The following CCDC85A variants were observed in gnomAD, a reference collection of about 807,000 sequenced individuals.
CCDC85A encodes coiled-coil domain-containing protein 85A.
Under a neutral mutation model 50.2 loss-of-function variants are expected in CCDC85A, and 38 were observed. That is an observed-to-expected ratio of 0.76 (90% confidence interval 0.58 to 0.99). The LOEUF (loss-of-function observed/expected upper bound fraction) is 0.99. Ranked by LOEUF, CCDC85A falls within the 50% of genes least tolerant of loss-of-function variation. The pLI is 0.00. For missense variants in CCDC85A, 820 were observed against 742.0 expected, an observed-to-expected ratio of 1.11 and a Z score of -1.22; for synonymous variants, 366 against 301.4, an observed-to-expected ratio of 1.21 and a Z score of -2.22.
At chr2:56,237,402 C>T (rs1669066459) in intron 2 of CCDC85A, among the ~76,000 whole-genome samples, 1 of 152,156 alleles carries the variant, frequency 6.6e-6, no homozygotes, top group South Asian at 2.1e-4. Flanking sequence ...CTTGATGTTG[C>T]TTTCACATAA....
At chr2:56,274,916 C>T (rs1670858183) in intron 2 of CCDC85A, among the ~76,000 whole-genome samples, 1 of 152,174 alleles carries the variant, frequency 6.6e-6, no homozygotes, top group South Asian at 2.1e-4. Context: ...TATGTCCTCA[C>T]ATGGCCTTCT....
intron 2 of CCDC85A, among the ~76,000 whole-genome samples, chr2:56,199,696 T>G (rs1408552791): frequency 6.6e-6 from 1 of 152,218 alleles, no homozygotes; most frequent in Non-Finnish European, 1.5e-5. Flanking sequence ...CTAAATTCTT[T>G]TCTGCTGTTC....
At chr2:56,310,415 A>T (rs1026014244) in intron 2 of CCDC85A, among the ~76,000 whole-genome samples, 1 of 152,168 alleles carries the variant, frequency 6.6e-6, no homozygotes, top group Non-Finnish European at 1.5e-5. Context: ...AGAAGCAACG[A>T]GAAATCCCAG....
intron 2 of CCDC85A, among the ~76,000 whole-genome samples, chr2:56,204,002 C>T (rs1258875073): frequency 6.6e-6 from 1 of 152,110 alleles, no homozygotes; most frequent in Non-Finnish European, 1.5e-5. Context: ...GCCTTTAGTA[C>T]ACCATCAACC....
chr2:56,222,836 A>G (rs894440746), intron 2 of CCDC85A, among the ~76,000 whole-genome samples: 4 of 150,900 alleles, frequency 2.7e-5, no homozygotes, highest in African/African-American at 9.7e-5. Context: ...TAATTATTCC[A>G]AAGATGCTAT....
chr2:56,331,183 A>G (rs1352160609), intron 2 of CCDC85A, among the ~76,000 whole-genome samples: 1 of 152,180 alleles, frequency 6.6e-6, no homozygotes, highest in African/African-American at 2.4e-5. Context: ...TAATGTGTAC[A>G]CATGGACAGA....
rs559157103 is a variant in CCDC85A, at chr2:56,205,086, G to A, written c.1240+11646G>A. On this transcript the variant is annotated intron_variant, in intron 2 of 5. Coordinates refer to ENST00000407595, the MANE Select transcript of CCDC85A (RefSeq NM_001080433.2). ...TCTAGTCTCTTACATAGTTCTCCAC[G>A]TTGCTTAGTAAGATGGTGCTCTGGA... Among the ~76,000 whole-genome samples, 6 of 152,174 alleles carry A rather than the reference G, an allele frequency of 3.9e-5. No individual in the cohort carries two copies. The South Asian group carries it at 8.3e-4, about 21-fold the overall frequency.
intron 2 of CCDC85A, among the ~76,000 whole-genome samples, chr2:56,229,437 A>G (rs937079465): frequency 1.3e-5 from 2 of 152,198 alleles, no homozygotes; most frequent in African/African-American, 4.8e-5. Flanking sequence ...GCTTGTAATT[A>G]TGGAAAAAGC....
intron 2 of CCDC85A, among the ~76,000 whole-genome samples, chr2:56,219,161 C>T (rs1302102652): frequency 6.7e-5 from 10 of 148,808 alleles, no homozygotes; most frequent in Non-Finnish European, 1.3e-4. Flanking sequence ...TTTTCCTGGG[C>T]GCCTTAAGCC....
chr2:56,233,836 C>T (rs1168996019), intron 2 of CCDC85A, among the ~76,000 whole-genome samples: 1 of 152,144 alleles, frequency 6.6e-6, no homozygotes, highest in Non-Finnish European at 1.5e-5. Context: ...CTTTCTTTCA[C>T]TGATACTTAC....
At chr2:56,226,842 A>T (rs1204895668) in intron 2 of CCDC85A, among the ~76,000 whole-genome samples, 2 of 152,088 alleles carry the variant, frequency 1.3e-5, no homozygotes, top group African/African-American at 2.4e-5. Context: ...TAGCACAAGC[A>T]GAAGGCTCTT....
chr2:56,193,465 T>C, intron 2 of CCDC85A, 25 bp downstream of exon 2: 1 of 1,562,350 alleles, frequency 6.4e-7, no homozygotes, highest in Non-Finnish European at 8.7e-7. Flanking sequence ...GCTGGGGTGC[T>C]GCTTGGGCTG....
chr2:56,184,910 G>A lies in CCDC85A; in HGVS notation c.276+10G>A. 2 of 1,484,144 alleles carry A rather than the reference G, an allele frequency of 1.3e-6. No individual in the cohort carries two copies. The highest frequency in any genetic ancestry group is 1.5e-5 in the African/African-American group (1 of 68,934). The allele number at this position is 1,484,144 out of a possible 1,614,324, so 91.9% of individuals were successfully genotyped here. A position where few individuals can be genotyped will look rare whatever the true frequency, so the allele number is the denominator to read the frequency against. On this transcript the variant is annotated intron_variant, in intron 1 of 5. Transcript: ENST00000407595. ...GATCCGCGGCCTCAAGGTGAGCGCG[G>A]GCCAGGTGGGGAGGCGCGGCGCGGC...
chr2:56,297,473 T>C (rs1672007838), intron 2 of CCDC85A, among the ~76,000 whole-genome samples: 1 of 152,026 alleles, frequency 6.6e-6, no homozygotes, highest in South Asian at 2.1e-4. Flanking sequence ...GTTTATATGA[T>C]TTTCCAAGGA....
At chr2:56,384,168 C>T (rs905054569) in intron 5 of CCDC85A, 98 bp from the exon 6 acceptor site, 51 of 1,039,258 alleles carry the variant, frequency 4.9e-5, no homozygotes, top group African/African-American at 1.4e-4. Context: ...CTTGTCTTTA[C>T]TTCATCTTCG....
chr2:56,264,407 G>A (rs1670349184), intron 2 of CCDC85A, among the ~76,000 whole-genome samples: 1 of 152,084 alleles, frequency 6.6e-6, no homozygotes. Flanking sequence ...CTACTTCTAA[G>A]ACCAGGATCC....
chr2:56,289,723 A>T (rs1671616983), intron 2 of CCDC85A, among the ~76,000 whole-genome samples: 1 of 152,212 alleles, frequency 6.6e-6, no homozygotes, highest in Non-Finnish European at 1.5e-5. Context: ...TTTACAGAGT[A>T]TGTAAACCTC....
chr2:56,284,767 T>C (rs1428199040), intron 2 of CCDC85A, among the ~76,000 whole-genome samples: 1 of 152,230 alleles, frequency 6.6e-6, no homozygotes, highest in Non-Finnish European at 1.5e-5. Flanking sequence ...TGAAGTTCTT[T>C]TCTTATGCAC....
chr2:56,215,286 T>G (rs535575515), intron 2 of CCDC85A, among the ~76,000 whole-genome samples: 5 of 152,070 alleles, frequency 3.3e-5, no homozygotes, highest in African/African-American at 1.2e-4. Flanking sequence ...GGCGGCTTGT[T>G]TTTTGTCATT....
Sources: allele counts gnomAD v4.1 joint callset (sites outside exome capture counted in the v4.1 genomes callset), GRCh38; gene constraint gnomAD v4.1.1; transcripts MANE v1.5; gene names NCBI Gene and HGNC (gene_info 2026-07-23, HGNC 2026-07-21).